The following EPHA3 variants were observed in gnomAD, a reference collection of about 807,000 sequenced individuals.
EPHA3 encodes the protein ephrin type-A receptor 3.
In EPHA3, 42 loss-of-function variants were observed where a neutral mutation model predicts 107.1. The observed-to-expected ratio is 0.39, with a 90% CI of 0.31 to 0.51. The LOEUF (loss-of-function observed/expected upper bound fraction) is 0.51. Ranked by LOEUF, EPHA3 falls within the 20% of genes least tolerant of loss-of-function variation. The pLI is 0.78. For synonymous variants in EPHA3, 461 were observed against 424.8 expected (o/e 1.09, Z -1.05); for missense variants, 1,183 against 1,211.2 (o/e 0.98, Z 0.35).
chr3:89,275,187 T>C (rs1705776697), intron 3 of EPHA3, among the ~76,000 whole-genome samples: 1 of 152,052 alleles, frequency 6.6e-6, no homozygotes, highest in Non-Finnish European at 1.5e-5. Context: ...ATTCCTACTA[T>C]TGGATATGCT....
At chr3:89,449,482 A>G in intron 14 of EPHA3, 108 bp downstream of exon 14, 1 of 926,438 alleles carries the variant, frequency 1.1e-6, no homozygotes, top group Non-Finnish European at 1.5e-6. Context: ...ACACTGAAAT[A>G]AAATATTTAG....
intron 7 of EPHA3, among the ~76,000 whole-genome samples, chr3:89,404,734 GT>G (rs1325761715): frequency 6.6e-6 from 1 of 152,118 alleles, no homozygotes; most frequent in Non-Finnish European, 1.5e-5. Flanking sequence ...AGAAATCCTA[GT>G]TTAATTCTGT....
At chr3:89,216,851 C>T (rs2107196171) in intron 3 of EPHA3, among the ~76,000 whole-genome samples, 1 of 152,202 alleles carries the variant, frequency 6.6e-6, no homozygotes, top group South Asian at 2.1e-4. Context: ...ATTTCATTAA[C>T]TTTTCCAGCT....
intron 1 of EPHA3, among the ~76,000 whole-genome samples, chr3:89,111,742 A>G (rs1366719188): frequency 1.3e-5 from 2 of 152,132 alleles, no homozygotes; most frequent in Non-Finnish European, 1.5e-5. Flanking sequence ...AAATTAATTC[A>G]TTCTGAATCT....
At chr3:89,237,154 G>A (rs1257675023) in intron 3 of EPHA3, among the ~76,000 whole-genome samples, 4 of 152,210 alleles carry the variant, frequency 2.6e-5, no homozygotes, top group Admixed American at 2.0e-4. Context: ...TTGAGGCCAC[G>A]AGTTCAAGAC....
chr3:89,181,684 A>G (rs2107120416), intron 2 of EPHA3, among the ~76,000 whole-genome samples: 1 of 152,038 alleles, frequency 6.6e-6, no homozygotes, highest in South Asian at 2.1e-4. Flanking sequence ...CCAGCTCCAT[A>G]ATCTGGGGGT....
At chr3:89,286,224 G>C (rs1706079880) in intron 3 of EPHA3, among the ~76,000 whole-genome samples, 3 of 150,786 alleles carry the variant, frequency 2.0e-5, no homozygotes, top group African/African-American at 4.9e-5. Context: ...TAGTTTTCCT[G>C]GTGCTACGTG....
intron 3 of EPHA3, among the ~76,000 whole-genome samples, chr3:89,283,603 G>A (rs551368950): frequency 6.0e-4 from 92 of 152,186 alleles, no homozygotes; most frequent in African/African-American, 2.2e-3. Flanking sequence ...AGTGAAATGA[G>A]AGCAGAAGCA....
In EPHA3 at chr3:89,450,317, C is replaced by A; in HGVS notation, c.2637C>A (p.Asp879Glu). 6.2e-7 allele frequency: 1 copy of A among 1,613,860 alleles called. No individual in the cohort carries two copies. The highest frequency in any genetic ancestry group is 8.5e-7 in the Non-Finnish European group (1 of 1,179,872). The stretch of plus-strand genomic sequence containing the variant: ...TTGAGCAGATTGTTAGTATTCTGGA[C>A]AAGCTTATCCGGAATCCCGGCAGCC... The part of the protein sequence containing the change: ...PKFEQIVSIL[D>E]KLIRNPGSLK... Residue 879 changes from aspartate to glutamate, a missense_variant, in exon 15 of 17, where the codon GAC (aspartate) becomes GAA (glutamate). Asp to Glu is a conservative substitution (Grantham distance 45). Transcript: ENST00000336596.
intron 3 of EPHA3, among the ~76,000 whole-genome samples, chr3:89,332,939 A>G (rs111758069): frequency 0.021 from 3,199 of 152,276 alleles, 116 homozygotes; most frequent in African/African-American, 0.07. Flanking sequence ...ACATTAGTCA[A>G]CCGGAGACAA....
chr3:89,229,695 A>T lies in EPHA3; in HGVS notation c.814+19175A>T, dbSNP rs568398530. Among the ~76,000 whole-genome samples the T allele has an allele frequency of 1.6e-4, 25 of 152,060 alleles. No individual in the cohort carries two copies. The South Asian group carries it at 5.0e-3, about 30-fold the overall frequency. On this transcript the variant is annotated intron_variant, in intron 3 of 16. Transcript: ENST00000336596. The stretch of plus-strand genomic sequence containing the variant: ...ATTTGATTACTGCAATATATGATAG[A>T]TTCATCAATATGAGATGTTCAAACA...
intron 9 of EPHA3, among the ~76,000 whole-genome samples, chr3:89,412,311 C>T (rs1576365293): frequency 6.6e-6 from 1 of 151,286 alleles, no homozygotes; most frequent in African/African-American, 2.4e-5. Context: ...ACATTTTTAC[C>T]TTCAGAATAA....
chr3:89,380,767 G>A (rs1213951129), intron 5 of EPHA3, among the ~76,000 whole-genome samples: 2 of 145,302 alleles, frequency 1.4e-5, no homozygotes, highest in African/African-American at 5.1e-5. Context: ...ATAATAGGTA[G>A]TAGCTTTTTT....
In EPHA3 at chr3:89,237,318, C is replaced by A. The variant is rs147590945; in HGVS notation, c.814+26798C>A. On this transcript the variant is annotated intron_variant, in intron 3 of 16. Coordinates refer to ENST00000336596, the MANE Select transcript of EPHA3 (RefSeq NM_005233.6). ...ACCAAGAGGCAGAGGCTGCAATGAG[C>A]CGAGATGGTGCCACTGCACCTCAGC... Among the ~76,000 whole-genome samples, 121 of 152,264 alleles carry A rather than the reference C, an allele frequency of 7.9e-4. 1 individual carries two copies. The highest frequency in any genetic ancestry group is 2.7e-3 in the African/African-American group (112 of 41,554).
At chr3:89,241,450 T>A (rs1056037830) in intron 3 of EPHA3, among the ~76,000 whole-genome samples, 6 of 152,212 alleles carry the variant, frequency 3.9e-5, no homozygotes, top group African/African-American at 1.4e-4. Context: ...TAACTATTTC[T>A]ATTACATCTA....
chr3:89,399,724 C>A lies in EPHA3; in HGVS notation c.1594+244C>A. 3.4e-6 allele frequency: 4 copies of A among 1,188,092 alleles called. No homozygotes were observed. The African/African-American group carries it at 5.4e-5, about 16-fold the overall frequency. The allele number at this position is 1,188,092 out of a possible 1,614,324, so 73.6% of individuals were successfully genotyped here. ...ACATATTCTAATGCCTGAAATGCTT[C>A]TGTTTTTTTTTTTTAGCCATAAATT... is the stretch of plus-strand genomic sequence containing the variant. On this transcript the variant is annotated intron_variant, in intron 7 of 16. Transcript: ENST00000336596.
intron 3 of EPHA3, among the ~76,000 whole-genome samples, chr3:89,291,086 A>G (rs1706197849): frequency 6.6e-6 from 1 of 152,040 alleles, no homozygotes; most frequent in Admixed American, 6.6e-5. Context: ...CATCACTGGA[A>G]CTCTCTAATT....
At chr3:89,147,974 T>G (rs1704603694) in intron 2 of EPHA3, among the ~76,000 whole-genome samples, 1 of 151,910 alleles carries the variant, frequency 6.6e-6, no homozygotes, top group Non-Finnish European at 1.5e-5. Flanking sequence ...GATCGTGCAT[T>G]AGGCTAGGAG....
chr3:89,468,809 A>G (rs1489824777), intron 15 of EPHA3, among the ~76,000 whole-genome samples: 1 of 152,180 alleles, frequency 6.6e-6, no homozygotes, highest in Non-Finnish European at 1.5e-5. Flanking sequence ...CATGATAACT[A>G]TGCTGAAACA....
Sources: allele counts gnomAD v4.1 joint callset (sites outside exome capture counted in the v4.1 genomes callset), GRCh38; gene constraint gnomAD v4.1.1; transcripts MANE v1.5; gene names NCBI Gene and HGNC (gene_info 2026-07-23, HGNC 2026-07-21).